The following RNF111 variants were observed in gnomAD, a reference collection of about 807,000 sequenced individuals.
The protein encoded by RNF111 is E3 ubiquitin-protein ligase Arkadia.
Under a neutral mutation model 95.1 loss-of-function variants are expected in RNF111, and 17 were observed. The observed-to-expected ratio is 0.18, with a 90% confidence interval of 0.12 to 0.27. The LOEUF (loss-of-function observed/expected upper bound fraction) is 0.27. RNF111 is among the 10% of genes least tolerant of loss of function. The probability of loss-of-function intolerance (pLI) is 1.00; values close to 1 mark genes in which losing one functional copy is unlikely to be tolerated. For synonymous variants in RNF111, 440 were observed against 414.8 expected, an observed-to-expected ratio of 1.06 and a Z score of -0.74; for missense variants, 1,189 against 1,210.4, an observed-to-expected ratio of 0.98 and a Z score of 0.26.
At chr15:59,016,133 G>A (rs1282584064) in intron 1 of RNF111, among the ~76,000 whole-genome samples, 4 of 150,566 alleles carry the variant, frequency 2.7e-5, no homozygotes, top group African/African-American at 9.8e-5. Flanking sequence ...CACTGCTCCT[G>A]GCCAATTTTG....
chr15:59,066,959 C>T lies in RNF111; in HGVS notation c.1562C>T (p.Thr521Ile), dbSNP rs777860164. ...HFQHHHHHHH[T>I]PHPAVPVSPS... is the part of the protein sequence containing the mutation. ...CAACATCATCACCACCACCACCATA[C>T]TCCCCACCCAGCTGTCCCAGTTTCT... The change falls in exon 6 of 14, where the codon ACT becomes ATT. Residue 521 changes from threonine to isoleucine, a missense_variant. By Grantham distance (89) the Thr-to-Ile change is moderately conservative. Coordinates refer to ENST00000348370, the MANE Select transcript of RNF111 (RefSeq NM_017610.8). 15 of 1,614,000 alleles carry T rather than the reference C, an allele frequency of 9.3e-6. No homozygotes were observed. The highest frequency in any genetic ancestry group is 1.3e-5 in the Non-Finnish European group (15 of 1,180,006).
In RNF111 at chr15:59,066,889, G is replaced by A. The variant is rs765720532; in HGVS notation, c.1492G>A (p.Gly498Arg). The A allele has an allele frequency of 1.9e-6, 3 of 1,613,966 alleles. No individual in the cohort carries two copies. The highest frequency in any genetic ancestry group is 2.5e-6 in the Non-Finnish European group (3 of 1,179,992). ...GTCGTCACAGAACCACCATGCATTA[G>A]GACATCCTCATACAAGTTGCTTTCA... ...GGSSQNHHAL[G>R]HPHTSCFQQH... The change falls in exon 6 of 14, where the codon GGA becomes AGA. Residue 498 changes from glycine to arginine, a missense_variant. Gly to Arg is a moderately radical substitution (Grantham distance 125). Coordinates refer to ENST00000348370, the MANE Select transcript of RNF111 (RefSeq NM_017610.8).
Position 59,027,061 on chromosome 15 carries a change from T to C in RNF111, c.-19-3743T>C, listed in dbSNP as rs73416846. ...AGAAATTGGGTTTAGTTAATTGTGC[T>C]GTGAATTGCTTCTTTGTAAATTAAT... is the stretch of plus-strand genomic sequence containing the variant. On this transcript the variant is annotated intron_variant, in intron 1 of 13. Transcript: ENST00000348370. Among the ~76,000 whole-genome samples the C allele has an allele frequency of 8.3e-3, 1,272 of 152,348 alleles. 21 individuals are homozygous for C. Among genetic ancestry groups the C allele is most frequent in the African/African-American group, 0.029 (1,211 of 41,572 alleles).
intron 1 of RNF111, among the ~76,000 whole-genome samples, chr15:59,025,872 A>G (rs1327579388): frequency 1.3e-5 from 2 of 152,086 alleles, no homozygotes; most frequent in Non-Finnish European, 2.9e-5. Context: ...CTGGGATTAC[A>G]GGCATGTGCC....
At chr15:58,990,431 G>A (rs1334758693) in intron 1 of RNF111, among the ~76,000 whole-genome samples, 3 of 152,148 alleles carry the variant, frequency 2.0e-5, no homozygotes, top group African/African-American at 2.4e-5. Context: ...AGGCCAAGGC[G>A]GGCGAATCAC....
At chr15:59,037,834 C>T (rs578063824) in intron 2 of RNF111, among the ~76,000 whole-genome samples, 336 of 151,514 alleles carry the variant, frequency 2.2e-3, no homozygotes, top group African/African-American at 7.5e-3. Flanking sequence ...GAAACTCCCT[C>T]TCAAAAAAAA....
chr15:59,060,926 G>T (rs1249567660), intron 5 of RNF111, among the ~76,000 whole-genome samples: 1 of 151,752 alleles, frequency 6.6e-6, no homozygotes, highest in Non-Finnish European at 1.5e-5. Flanking sequence ...GTAGATGGGG[G>T]ACCACAGGCA....
At chr15:59,094,717 A>C (rs1741220393) in intron 13 of RNF111, 66 bp from the exon 14 acceptor site, 1 of 879,554 alleles carries the variant, frequency 1.1e-6, no homozygotes, top group Admixed American at 1.7e-5. Flanking sequence ...TTACATATAT[A>C]ATTTGTTAAC....
chr15:59,032,347 C>G (rs2040952324), intron 2 of RNF111, among the ~76,000 whole-genome samples: 1 of 152,062 alleles, frequency 6.6e-6, no homozygotes, highest in Non-Finnish European at 1.5e-5. Context: ...GTTATGAATA[C>G]TTTTTCAGCT....
At chr15:59,061,031 G>A (rs1294175723) in intron 5 of RNF111, among the ~76,000 whole-genome samples, 2 of 151,984 alleles carry the variant, frequency 1.3e-5, no homozygotes, top group Admixed American at 6.6e-5. Context: ...TCCTGGGCTC[G>A]AGCGATCCAC....
At chr15:58,998,283 T>C (rs2039173706) in intron 1 of RNF111, among the ~76,000 whole-genome samples, 6 of 151,730 alleles carry the variant, frequency 4.0e-5, no homozygotes, top group Admixed American at 6.6e-5. Context: ...GGGGTATAAA[T>C]GCAGGTTTGT....
Position 59,047,038 on chromosome 15 carries a change from G to T in RNF111, c.881-5267G>T, listed in dbSNP as rs183404235. On this transcript the variant is annotated intron_variant, in intron 2 of 13. Coordinates refer to ENST00000348370, the MANE Select transcript of RNF111 (RefSeq NM_017610.8). The stretch of plus-strand genomic sequence containing the variant: ...AGGTTTTGCCATGTTGCCCAGGCTG[G>T]TCTTGAACTCCTAGGCTCAAGCAAT... Among the ~76,000 whole-genome samples the T allele has an allele frequency of 4.9e-3, 746 of 152,082 alleles. 2 individuals are homozygous for T. The highest frequency in any genetic ancestry group is 0.017 in the African/African-American group (707 of 41,492).
At chr15:58,994,028 C>G (rs2038935109) in intron 1 of RNF111, among the ~76,000 whole-genome samples, 1 of 137,832 alleles carries the variant, frequency 7.3e-6, no homozygotes, top group African/African-American at 2.7e-5. Context: ...TTTGTTGTTA[C>G]TTAAATTTTT....
chr15:59,015,998 A>C (rs1208080887), intron 1 of RNF111, among the ~76,000 whole-genome samples: 1 of 150,888 alleles, frequency 6.6e-6, no homozygotes, highest in Non-Finnish European at 1.5e-5. Flanking sequence ...CTCCAGGTGC[A>C]CCCCACCACA....
At position 59,031,156 on chromosome 15, in the gene RNF111, A is replaced by T. The variant is rs780131089; in HGVS notation, c.334A>T (p.Asn112Tyr). ...GTATGTGCAGAATTGTGTTAAAGAA[A>T]ACCAGGGAATATTAGGACTGAGGCA... ...PSYVQNCVKE[N>Y]QGILGLRQHL... Residue 112 changes from asparagine (N) to tyrosine (Y), a missense_variant, in exon 2 of 14, where the codon AAC becomes TAC. By Grantham distance (143) the Asn-to-Tyr change is moderately radical (BLOSUM62 -2). This residue lies in a region of RNF111 where 1,024 missense variants were observed against 925.9 expected (regional missense o/e 1.11). Coordinates refer to ENST00000348370, the MANE Select transcript of RNF111 (RefSeq NM_017610.8). The T allele has an allele frequency of 6.2e-7, 1 of 1,614,148 alleles. No homozygotes were observed. The highest frequency in any genetic ancestry group is 1.1e-5 in the South Asian group (1 of 91,070).
At chr15:59,065,856 C>A (rs1036953210) in intron 5 of RNF111, among the ~76,000 whole-genome samples, 1 of 152,192 alleles carries the variant, frequency 6.6e-6, no homozygotes, top group Non-Finnish European at 1.5e-5. Flanking sequence ...ACAAAAAATA[C>A]AAAAATTAGC....
At chr15:59,013,455 C>G (rs1468136585) in intron 1 of RNF111, among the ~76,000 whole-genome samples, 1 of 152,190 alleles carries the variant, frequency 6.6e-6, no homozygotes, top group African/African-American at 2.4e-5. Context: ...TAGACCATCC[C>G]TGAATCTAGG....
chr15:59,019,620 G>C (rs2040235321), intron 1 of RNF111, among the ~76,000 whole-genome samples: 2 of 152,122 alleles, frequency 1.3e-5, no homozygotes, highest in Non-Finnish European at 2.9e-5. Context: ...TGGGGAAAGT[G>C]ATCTTTTTTC....
intron 7 of RNF111, 21 bp from the exon 8 acceptor site, chr15:59,080,915 C>G (rs376699470): frequency 1.9e-6 from 3 of 1,583,196 alleles, no homozygotes; most frequent in African/African-American, 2.7e-5. Context: ...ATGTAACATA[C>G]TCAAAATATT....
Sources: allele counts gnomAD v4.1 joint callset (sites outside exome capture counted in the v4.1 genomes callset), GRCh38; gene constraint gnomAD v4.1.1; regional missense constraint gnomAD v4.1.1; transcripts MANE v1.5; gene names NCBI Gene and HGNC (gene_info 2026-07-23, HGNC 2026-07-21).